The following FAT3 variants were observed in gnomAD, a reference collection of about 807,000 sequenced individuals.
FAT3 encodes FAT atypical cadherin 3, also known as protocadherin Fat 3.
FAT3 carries 95 observed loss-of-function variants against 310.2 expected under a neutral mutation model. The ratio of observed to expected loss-of-function variants is 0.31; its 90% CI spans 0.26 to 0.36. The LOEUF is 0.36. FAT3 is among the 10% of genes least tolerant of loss of function. The pLI is 1.00. For missense variants in FAT3, 5,408 were observed against 5,715.6 expected (o/e 0.95, Z 1.74); for synonymous variants, 2,314 against 2,192.9 (o/e 1.06, Z -1.54).
intron 19 of FAT3, among the ~76,000 whole-genome samples, chr11:92,855,683 A>G (rs1948955200): frequency 6.6e-6 from 1 of 152,238 alleles, no homozygotes; most frequent in Non-Finnish European, 1.5e-5. Flanking sequence ...GGAGGAAAAT[A>G]GGAAGATGTA....
intron 13 of FAT3, among the ~76,000 whole-genome samples, chr11:92,812,993 A>C (rs767512186): frequency 2.2e-4 from 33 of 152,114 alleles, no homozygotes; most frequent in Non-Finnish European, 2.9e-4. Context: ...TGATGGTTTT[A>C]TGAGGGGCTT....
At chr11:92,877,803 A>G (rs578222015) in intron 22 of FAT3, among the ~76,000 whole-genome samples, 3 of 152,332 alleles carry the variant, frequency 2.0e-5, no homozygotes, top group South Asian at 4.1e-4. Context: ...GAGAAGCAGA[A>G]CCAATAGGAG....
At chr11:92,281,257 G>C (rs1170493424) in intron 1 of FAT3, among the ~76,000 whole-genome samples, 1 of 152,074 alleles carries the variant, frequency 6.6e-6, no homozygotes, top group East Asian at 1.9e-4. Flanking sequence ...GATTGCAAAA[G>C]CTCACTGGAA....
At chr11:92,447,580 A>C (rs1951251007) in intron 2 of FAT3, among the ~76,000 whole-genome samples, 2 of 152,140 alleles carry the variant, frequency 1.3e-5, no homozygotes, top group South Asian at 4.1e-4. Flanking sequence ...GTACAAAGTA[A>C]GGTAACACCT....
chr11:92,641,006 G>C (rs1941941108), intron 3 of FAT3, among the ~76,000 whole-genome samples: 1 of 152,170 alleles, frequency 6.6e-6, no homozygotes, highest in Admixed American at 6.5e-5. Flanking sequence ...AGACCAGCCA[G>C]GGCAACATGG....
At chr11:92,632,977 TCTC>T (rs1460359179) in intron 3 of FAT3, among the ~76,000 whole-genome samples, 2 of 152,294 alleles carry the variant, frequency 1.3e-5, no homozygotes, top group Admixed American at 6.5e-5. Context: ...TCATCACAGT[TCTC>T]CTTATTTTGT....
At chr11:92,627,819 A>G (rs183467952) in intron 3 of FAT3, among the ~76,000 whole-genome samples, 14 of 152,314 alleles carry the variant, frequency 9.2e-5, no homozygotes, top group Admixed American at 7.8e-4. Context: ...GGGTGATGGC[A>G]TTAAAAGGAT....
intron 2 of FAT3, among the ~76,000 whole-genome samples, chr11:92,475,639 A>G (rs1952030742): frequency 6.6e-6 from 1 of 152,178 alleles, no homozygotes; most frequent in Non-Finnish European, 1.5e-5. Context: ...CCAGAGGAAG[A>G]CTGGAAAAAA....
At chr11:92,873,844 G>A (rs754834348) in intron 22 of FAT3, among the ~76,000 whole-genome samples, 27 of 152,096 alleles carry the variant, frequency 1.8e-4, no homozygotes, top group Non-Finnish European at 2.4e-4. Context: ...ATGACTTTTC[G>A]GTACATGTAT....
chr11:92,700,892 G>C (rs572842926), intron 4 of FAT3, among the ~76,000 whole-genome samples: 2 of 152,148 alleles, frequency 1.3e-5, no homozygotes, highest in Admixed American at 1.3e-4. Context: ...TGCTGCAGGA[G>C]TTTGAACATT....
At chr11:92,665,052 C>A (rs1201110843) in intron 3 of FAT3, among the ~76,000 whole-genome samples, 1 of 152,224 alleles carries the variant, frequency 6.6e-6, no homozygotes, top group Non-Finnish European at 1.5e-5. Flanking sequence ...CAGTGCTGAT[C>A]TGCACTCACG....
chr11:92,263,276 G>T (rs1484022655), intron 1 of FAT3, among the ~76,000 whole-genome samples: 9 of 151,236 alleles, frequency 6.0e-5, no homozygotes, highest in African/African-American at 2.2e-4. Flanking sequence ...GGGTTTTTAT[G>T]TCATAGCAGA....
At chr11:92,862,153 T>C (rs750850244) in intron 21 of FAT3, among the ~76,000 whole-genome samples, 1 of 152,128 alleles carries the variant, frequency 6.6e-6, no homozygotes, top group African/African-American at 2.4e-5. Context: ...ACCAGTGAAG[T>C]TGGGTAGAGT....
intron 22 of FAT3, among the ~76,000 whole-genome samples, chr11:92,874,612 T>C (rs1565669160): frequency 6.6e-6 from 1 of 152,234 alleles, no homozygotes; most frequent in East Asian, 1.9e-4. Flanking sequence ...TGATCTCGGC[T>C]CACCACAACC....
At chr11:92,521,627 G>T (rs1437470995) in intron 2 of FAT3, among the ~76,000 whole-genome samples, 1 of 152,150 alleles carries the variant, frequency 6.6e-6, no homozygotes, top group Non-Finnish European at 1.5e-5. Flanking sequence ...CTTCTCTATG[G>T]TCAATTGGGT....
intron 2 of FAT3, among the ~76,000 whole-genome samples, chr11:92,471,915 C>CTATATATATATATATA (rs140886151): frequency 9.6e-5 from 12 of 124,932 alleles, no homozygotes; most frequent in Non-Finnish European, 1.6e-4. Flanking sequence ...TTTTCATATG[C>CTATATATATATATATA]TATATATATA....
intron 1 of FAT3, among the ~76,000 whole-genome samples, chr11:92,284,538 G>C (rs923879970): frequency 7.2e-5 from 11 of 152,174 alleles, no homozygotes; most frequent in African/African-American, 2.6e-4. Flanking sequence ...GGACTCAGCA[G>C]GATTAGGGTG....
chr11:92,398,652 G>A (rs139152092), intron 2 of FAT3, among the ~76,000 whole-genome samples: 3 of 152,056 alleles, frequency 2.0e-5, no homozygotes, highest in African/African-American at 4.8e-5. Flanking sequence ...ATACTTGGGT[G>A]GGGGATACCT....
chr11:92,429,481 T>G (rs552930755), intron 2 of FAT3, among the ~76,000 whole-genome samples: 6 of 152,300 alleles, frequency 3.9e-5, no homozygotes, highest in East Asian at 1.9e-4. Flanking sequence ...GTGTTGATGG[T>G]CTTTACATTT....
Sources: gnomAD v4.1 joint callset for allele counts (sites outside exome capture counted in the v4.1 genomes callset) on GRCh38, gnomAD v4.1.1 for gene constraint, MANE v1.5 for transcripts, NCBI Gene and HGNC (gene_info 2026-07-23, HGNC 2026-07-21) for gene names.